NTMT2: variants seen among roughly 807,000 people sequenced by gnomAD.
NTMT2 encodes the protein N-terminal Xaa-Pro-Lys N-methyltransferase 2, also known as X-Pro-Lys N-terminal protein methyltransferase 1B.
In NTMT2, 21 loss-of-function variants were observed where a neutral mutation model predicts 23.4. That is an observed-to-expected ratio of 0.90 (90% CI 0.64 to 1.29). NTMT2 has a LOEUF of 1.29. Among genes scored for constraint, NTMT2 ranks in the 50% most tolerant of loss-of-function variants. NTMT2 has a pLI of 0.00. For missense variants in NTMT2, 336 were observed against 352.0 expected (o/e 0.95, Z 0.36); for synonymous variants, 131 against 127.7 (o/e 1.03, Z -0.17).
intron 1 of NTMT2, among the ~76,000 whole-genome samples, chr1:170,149,502 GC>G (rs757778395): frequency 1.3e-4 from 20 of 152,226 alleles, no homozygotes; most frequent in South Asian, 2.1e-4. Context: ...GTAAAGACTC[GC>G]CTATTTTTTC....
At chr1:170,149,416 C>T (rs1054296386) in intron 1 of NTMT2, among the ~76,000 whole-genome samples, 5 of 152,140 alleles carry the variant, frequency 3.3e-5, no homozygotes, top group African/African-American at 9.7e-5. Context: ...GTTTTTGTCC[C>T]AGGAGGTTAT....
chr1:170,146,102 T>G lies in NTMT2; in HGVS notation c.-6T>G. 6.5e-7 allele frequency: 1 copy of G among 1,550,152 alleles called. No individual in the cohort carries two copies. Among genetic ancestry groups the G allele is most frequent in the South Asian group, 1.2e-5 (1 of 83,758 alleles). On this transcript the variant is annotated 5_prime_UTR_variant, in exon 1 of 4. Coordinates refer to ENST00000439373, the MANE Select transcript of NTMT2 (RefSeq NM_001136107.2). ...TCTGTAGGAATCATTATTATCCCCC[T>G]TTGTCATGGCCCACCGGGGAGCCCA...
chr1:170,168,034 G>A lies in NTMT2; in HGVS notation c.*277G>A, dbSNP rs1673432762. Among the ~76,000 whole-genome samples, 1 of 152,044 alleles carries A rather than the reference G, an allele frequency of 6.6e-6. No individual in the cohort carries two copies. Among genetic ancestry groups the A allele is most frequent in the Non-Finnish European group, 1.5e-5 (1 of 68,014 alleles). The stretch of plus-strand genomic sequence containing the variant: ...AAATCCGTTTGTATGTATCTAAACT[G>A]TGCAAGCGTGCATGAAAACAGAAGG... On this transcript the variant is annotated 3_prime_UTR_variant, in exon 4 of 4. Coordinates refer to ENST00000439373, the MANE Select transcript of NTMT2 (RefSeq NM_001136107.2).
At chr1:170,154,849 G>A (rs1022011619) in intron 1 of NTMT2, among the ~76,000 whole-genome samples, 2 of 152,224 alleles carry the variant, frequency 1.3e-5, no homozygotes, top group African/African-American at 4.8e-5. Context: ...TTGGATATTT[G>A]TCCCATCCAA....
At position 170,167,916 on chromosome 1, in the gene NTMT2, TG is replaced by T. The variant is rs1673429994; in HGVS notation, c.*160del. On this transcript the variant is annotated 3_prime_UTR_variant, in exon 4 of 4. Transcript: ENST00000439373. The stretch of plus-strand genomic sequence containing the variant: ...TGATATAATATGTACATGTTTTCAG[TG>T]ATTATATAATGCACACACTCTGATG... The T allele has an allele frequency of 1.3e-6, 1 of 766,758 alleles. No homozygotes were observed. The highest frequency in any genetic ancestry group is 2.0e-5 in the South Asian group (1 of 51,152). The allele number at this position is 766,758 out of a possible 1,614,324, so 47.5% of individuals were successfully genotyped here.
chr1:170,167,518 C>T lies in NTMT2; in HGVS notation c.613C>T (p.Leu205Phe), dbSNP rs763548960. 16 of 1,551,462 alleles carry T rather than the reference C, an allele frequency of 1.0e-5. No homozygotes were observed. Among genetic ancestry groups the T allele is most frequent in the Non-Finnish European group, 1.4e-5 (16 of 1,146,838 alleles). Residue 205 changes from leucine to phenylalanine, a missense_variant, in exon 4 of 4, where the codon CTT becomes TTT. Coordinates refer to ENST00000439373, the MANE Select transcript of NTMT2 (RefSeq NM_001136107.2). ...HLTDKDLLAF[L>F]SRCRDGLKEN... ...GACTGATAAGGACCTTCTTGCATTT[C>T]TTTCCCGGTGCCGAGATGGCCTGAA... is the stretch of plus-strand genomic sequence containing the variant.
chr1:170,162,703 G>T (rs758039696), intron 2 of NTMT2, among the ~76,000 whole-genome samples: 4 of 152,134 alleles, frequency 2.6e-5, no homozygotes, highest in Non-Finnish European at 5.9e-5. Flanking sequence ...GGAAACTGAG[G>T]CTTGAAGAGG....
At chr1:170,164,960 G>T (rs1673343565) in intron 2 of NTMT2, among the ~76,000 whole-genome samples, 2 of 152,044 alleles carry the variant, frequency 1.3e-5, no homozygotes, top group Admixed American at 6.5e-5. Context: ...TTCACTTTTT[G>T]TTCTTCATTG....
At chr1:170,163,679 T>A (rs1267118304) in intron 2 of NTMT2, among the ~76,000 whole-genome samples, 1 of 152,212 alleles carries the variant, frequency 6.6e-6, no homozygotes, top group Non-Finnish European at 1.5e-5. Flanking sequence ...TGACATGAGG[T>A]CCTTTCATTT....
intron 3 of NTMT2, 130 bp downstream of exon 3, chr1:170,166,881 CAT>C: frequency 2.3e-6 from 2 of 867,882 alleles, no homozygotes; most frequent in Non-Finnish European, 3.5e-6. Context: ...CCTTAGGTGT[CAT>C]GTGAACTCCC....
In NTMT2 at chr1:170,167,793, G is replaced by A; in HGVS notation, c.*36G>A. ...GGAATGAACGACTGGACTGGGCAGT[G>A]GTGCTTTGGGATGGGGTTGCTATCC... On this transcript the variant is annotated 3_prime_UTR_variant, in exon 4 of 4. Transcript: ENST00000439373. 1 of 1,517,782 alleles carries A rather than the reference G, an allele frequency of 6.6e-7. No homozygotes were observed. The highest frequency in any genetic ancestry group is 1.4e-5 in the African/African-American group (1 of 72,502). 94.0% of individuals were successfully genotyped at this position (1,517,782 alleles called of 1,614,324 possible). A position where few individuals can be genotyped will look rare whatever the true frequency, so the allele number is the denominator to read the frequency against.
rs890939967 is a variant in NTMT2 at position 170,166,706 on chromosome 1, C to A, written c.535C>A (p.Pro179Thr). 1.9e-6 allele frequency: 3 copies of A among 1,552,000 alleles called. No homozygotes were observed. The highest frequency in any genetic ancestry group is 2.7e-5 in the African/African-American group (2 of 73,008). The change falls in exon 3 of 4, where the codon CCC becomes ACC. Residue 179 changes from proline to threonine, a missense_variant. Pro to Thr is a conservative substitution (Grantham distance 38, BLOSUM62 -1). Coordinates refer to ENST00000439373, the MANE Select transcript of NTMT2 (RefSeq NM_001136107.2). ...CTGCTACAGCCTGCAGGAATTCACA[C>A]CCCCCTTCAGGAGATATGATGTCAT... is the stretch of plus-strand genomic sequence containing the variant. ...YHCYSLQEFTPPFRRYDVIWI... is the reference protein window; with the variant it reads ...YHCYSLQEFTTPFRRYDVIWI...
intron 2 of NTMT2, among the ~76,000 whole-genome samples, 195 bp from the exon 3 acceptor site, chr1:170,166,306 AT>A (rs11461930): frequency 7.3e-6 from 1 of 136,710 alleles, no homozygotes; most frequent in South Asian, 2.5e-4. Context: ...CGCCCGGCTA[AT>A]TTTTTTTGTA....
In NTMT2 at chr1:170,167,612, G is replaced by A. The variant is rs887970382; in HGVS notation, c.707G>A (p.Ser236Asn). Reference protein sequence around the residue: ...REGCILDLSDSSVTRDMDILR... With the variant: ...REGCILDLSDNSVTRDMDILR... ...GGCTGTATCCTTGATCTCTCTGACAGCAGTGTGACTCGGGACATGGACATC... is the reference window on the plus strand; with the variant it reads ...GGCTGTATCCTTGATCTCTCTGACAACAGTGTGACTCGGGACATGGACATC... The change falls in exon 4 of 4, where the codon AGC becomes AAC. Residue 236 changes from serine (S) to asparagine (N), a missense_variant. Physicochemically the swap from Ser to Asn is conservative, Grantham distance 46. Transcript: ENST00000439373. The A allele has an allele frequency of 4.5e-6, 7 of 1,551,600 alleles. No individual in the cohort carries two copies. The African/African-American group carries it at 8.2e-5, about 18-fold the overall frequency.
chr1:170,152,715 C>CG (rs942542735), intron 1 of NTMT2, among the ~76,000 whole-genome samples: 1 of 152,056 alleles, frequency 6.6e-6, no homozygotes. Flanking sequence ...AAATCCCCCC[C>CG]CCACCACCAT....
rs1315916515 is a variant in NTMT2, at chr1:170,166,764, T to G, written c.580+13T>G. 1 of 1,550,748 alleles carries G rather than the reference T, an allele frequency of 6.4e-7. No individual in the cohort carries two copies. The highest frequency in any genetic ancestry group is 2.4e-5 in the East Asian group (1 of 40,904). ...CAGTGGGTCTCTGGTTAGTCCTGCA[T>G]GACTTTCCCTCTGCTTTTCTCCCCT... On this transcript the variant is annotated intron_variant, in intron 3 of 3. Transcript: ENST00000439373.
At chr1:170,163,000 CTTAG>C (rs1673303864) in intron 2 of NTMT2, among the ~76,000 whole-genome samples, 1 of 152,102 alleles carries the variant, frequency 6.6e-6, no homozygotes, top group Non-Finnish European at 1.5e-5. Flanking sequence ...ATTTCAGAAG[CTTAG>C]TTAGTAATCC....
intron 2 of NTMT2, among the ~76,000 whole-genome samples, chr1:170,161,088 A>G (rs1420153099): frequency 1.3e-5 from 2 of 152,168 alleles, no homozygotes; most frequent in African/African-American, 4.8e-5. Context: ...TCCCTGTAAT[A>G]AAAATGAGAT....
Position 170,166,650 on chromosome 1 carries a change from A to C in NTMT2, c.479A>C (p.Gln160Pro). 2 of 1,552,170 alleles carry C rather than the reference A, an allele frequency of 1.3e-6. No individual in the cohort carries two copies. The highest frequency in any genetic ancestry group is 1.2e-5 in the South Asian group (1 of 84,060). Residue 160 changes from glutamine (Q) to proline (P), a missense_variant, in exon 3 of 4, where the codon CAG (glutamine) becomes CCG (proline). Transcript: ENST00000439373. The stretch of plus-strand genomic sequence containing the variant: ...CTCCTTGAAGCCCAGAACTACCTGC[A>C]GGTCAAAGGTGACAAAGTAGAAAGC... ...SFLLEAQNYL[Q>P]VKGDKVESYH...
Sources: allele counts gnomAD v4.1 joint callset (sites outside exome capture counted in the v4.1 genomes callset), GRCh38; gene constraint gnomAD v4.1.1; transcripts MANE v1.5; gene names NCBI Gene and HGNC (gene_info 2026-07-23, HGNC 2026-07-21).